AHNAK: variants seen among roughly 807,000 people sequenced by gnomAD.
The protein encoded by AHNAK is neuroblast differentiation-associated protein AHNAK.
A neutral mutation model predicts 37.8 loss-of-function variants in AHNAK; 23 were observed. That is an observed-to-expected ratio of 0.61 (90% CI 0.44 to 0.86). The LOEUF is 0.86. Ranked by LOEUF, AHNAK falls within the 40% of genes least tolerant of loss-of-function variation. The pLI is 0.00. For missense variants in AHNAK, 7,411 were observed against 7,319.4 expected (o/e 1.01, Z -0.46); for synonymous variants, 2,481 against 2,636.3 (o/e 0.94, Z 1.80).
intron 5 of AHNAK, among the ~76,000 whole-genome samples, chr11:62,440,536 T>C (rs1168656651): frequency 6.6e-6 from 1 of 152,168 alleles, no homozygotes; most frequent in African/African-American, 2.4e-5. Flanking sequence ...GGAGCCCGTT[T>C]CTGAGCCTCT....
intron 5 of AHNAK, among the ~76,000 whole-genome samples, chr11:62,438,124 T>C (rs900480964): frequency 2.6e-5 from 4 of 152,066 alleles, no homozygotes; most frequent in Admixed American, 2.0e-4. Flanking sequence ...TCACAGTGTA[T>C]TTGGCCATCT....
chr11:62,516,444 T>C lies in AHNAK; in HGVS notation c.*300A>G, dbSNP rs974676863. ...AATGAGGATAATAAACACAAAAGCT[T>C]GCTTAGTAAACAGGAGCTCTCAGCA... is the stretch of plus-strand genomic sequence containing the variant. On this transcript the variant is annotated 3_prime_UTR_variant, in exon 5 of 5. Coordinates refer to ENST00000378024, the MANE Select transcript of AHNAK (RefSeq NM_001620.3). 5.5e-6 allele frequency: 7 copies of C among 1,275,042 alleles called. No individual in the cohort carries two copies. Among genetic ancestry groups the C allele is most frequent in the Non-Finnish European group, 6.0e-6 (6 of 999,576 alleles). 79.0% of individuals were successfully genotyped at this position (1,275,042 alleles called of 1,614,324 possible). A position where few individuals can be genotyped will look rare whatever the true frequency, so the allele number is the denominator to read the frequency against.
chr11:62,530,423 G>C lies in AHNAK; in HGVS notation c.3994C>G (p.Leu1332Val). Reference protein sequence around the residue: ...KISMPDVDLNLKGPKLKGDVD... With the variant: ...KISMPDVDLNVKGPKLKGDVD... ...TCTCCCTTCAATTTTGGCCCCTTAA[G>C]ATTCAGGTCCACATCAGGCATGGAG... Residue 1332 changes from leucine to valine, a missense_variant, in exon 5 of 5, where the codon CTT becomes GTT. Coordinates refer to ENST00000378024, the MANE Select transcript of AHNAK (RefSeq NM_001620.3). 1 of 1,613,928 alleles carries C rather than the reference G, an allele frequency of 6.2e-7. No individual in the cohort carries two copies. Among genetic ancestry groups the C allele is most frequent in the Non-Finnish European group, 8.5e-7 (1 of 1,179,992 alleles).
At position 62,520,463 on chromosome 11, in the gene AHNAK, T is replaced by A. The variant is rs752565979; in HGVS notation, c.13954A>T (p.Met4652Leu). 5 of 1,614,002 alleles carry A rather than the reference T, an allele frequency of 3.1e-6. No individual in the cohort carries two copies. In the African/African-American group the frequency reaches 6.7e-5, roughly 22 times the overall value. Residue 4652 changes from methionine to leucine, a missense_variant, in exon 5 of 5, where the codon ATG becomes TTG. By Grantham distance (15) the Met-to-Leu change is conservative. Coordinates refer to ENST00000378024, the MANE Select transcript of AHNAK (RefSeq NM_001620.3). ...DVQGPDWHLK[M>L]PKVKMPKFSM... is the part of the protein sequence containing the mutation. ...AACTTGGGCATTTTCACTTTGGGCA[T>A]TTTTAGGTGCCAGTCTGGGCCTTGA...
intron 4 of AHNAK, among the ~76,000 whole-genome samples, chr11:62,505,128 G>A (rs1014482444): frequency 5.9e-5 from 9 of 152,130 alleles, no homozygotes; most frequent in African/African-American, 2.2e-4. Context: ...GGTAAGGGGT[G>A]AGGTCCCGTG....
chr11:62,532,651 A>G lies in AHNAK; in HGVS notation c.1766T>C (p.Val589Ala). Reference protein sequence around the residue: ...AAPKVKGGVDVTLPRVEGKVK... With the variant: ...AAPKVKGGVDATLPRVEGKVK... ...TTTCCCTTCTACTCTGGGGAGTGTG[A>G]CATCTACACCCCCTTTCACTTTAGG... The change falls in exon 5 of 5, where the codon GTC becomes GCC. Residue 589 changes from valine to alanine, a missense_variant. Transcript: ENST00000378024. 6.2e-7 allele frequency: 1 copy of G among 1,613,990 alleles called. No homozygotes were observed.
rs769312019 is a variant in AHNAK, at chr11:62,529,996, G to A, written c.4421C>T (p.Pro1474Leu). 3.7e-6 allele frequency: 6 copies of A among 1,613,738 alleles called. No homozygotes were observed. The Admixed American group carries it at 5.0e-5, about 13-fold the overall frequency. Residue 1474 changes from proline (P) to leucine (L), a missense_variant, in exon 5 of 5, where the codon CCA (proline) becomes CTA (leucine). Pro to Leu is a moderately conservative substitution (Grantham distance 98). Coordinates refer to ENST00000378024, the MANE Select transcript of AHNAK (RefSeq NM_001620.3). ...KMKGDYDVTV[P>L]KVEGEIKAPD... ...AGCTTTTATCTCTCCTTCTACTTTTGGAACTGTTACATCATAATCTCCTTT... is the reference window on the plus strand; with the variant it reads ...AGCTTTTATCTCTCCTTCTACTTTTAGAACTGTTACATCATAATCTCCTTT...
Position 62,534,056 on chromosome 11 carries a change from A to C in AHNAK, c.361T>G (p.Tyr121Asp). 6.5e-7 allele frequency: 1 copy of C among 1,546,206 alleles called. No homozygotes were observed. The highest frequency in any genetic ancestry group is 2.3e-5 in the East Asian group (1 of 44,142). Residue 121 changes from tyrosine (Y) to aspartate (D), a missense_variant, in exon 5 of 5, where the codon TAC becomes GAC. Coordinates refer to ENST00000378024, the MANE Select transcript of AHNAK (RefSeq NM_001620.3). ...ATCTTCGTGGTGTAGATGCGCTGGT[A>C]CTCCTCATCATCCCCGCTCTGCAGA... ...EVVLSGDDEE[Y>D]QRIYTTKIKP...
chr11:62,517,878 G>C lies in AHNAK; in HGVS notation c.16539C>G (p.Leu5513=). Residue 5513 remains leucine, a synonymous_variant, in exon 5 of 5, where the codon CTC becomes CTG. Transcript: ENST00000378024. ...CAGGCCCAGAAATCTGCCCAGTTGG[G>C]AGTTTCACATTCACGCCTGGCAGGT... ...DVNLPGVNVK[L]PTGQISGPEI... The C allele has an allele frequency of 6.2e-7, 1 of 1,614,120 alleles. No homozygotes were observed. The highest frequency in any genetic ancestry group is 8.5e-7 in the Non-Finnish European group (1 of 1,179,996).
In AHNAK at chr11:62,531,096, C is replaced by T; in HGVS notation, c.3321G>A (p.Lys1107=). 4 of 1,613,784 alleles carry T rather than the reference C, an allele frequency of 2.5e-6. No homozygotes were observed. Among genetic ancestry groups the T allele is most frequent in the African/African-American group, 1.3e-5 (1 of 74,878 alleles). ...QVPDVDIRGP[K]VDIKAPDVEG... is the part of the protein sequence containing the mutation. ...CCACATCTGGTGCTTTAATATCTAC[C>T]TTGGGACCTCTGATGTCCACATCTG... The change falls in exon 5 of 5, where the codon AAG becomes AAA. Residue 1107 remains lysine (K), a synonymous_variant. Transcript: ENST00000378024.
Position 62,516,163 on chromosome 11 carries a change from C to G in AHNAK, c.*581G>C. 7.8e-7 allele frequency: 1 copy of G among 1,289,108 alleles called. No individual in the cohort carries two copies. Among genetic ancestry groups the G allele is most frequent in the South Asian group, 1.2e-5 (1 of 81,010 alleles). The allele number at this position is 1,289,108 out of a possible 1,614,324, so 79.9% of individuals were successfully genotyped here. A position where few individuals can be genotyped will look rare whatever the true frequency, so the allele number is the denominator to read the frequency against. On this transcript the variant is annotated 3_prime_UTR_variant, in exon 5 of 5. Coordinates refer to ENST00000378024, the MANE Select transcript of AHNAK (RefSeq NM_001620.3). ...ATTTCCTCTCACCGTCAGCACCAAA[C>G]TGGCTGGGACCACCACCCCTGGGTG...
At chr11:62,534,400 G>A (rs188049744) in intron 4 of AHNAK, among the ~76,000 whole-genome samples, 107 of 152,320 alleles carry the variant, frequency 7.0e-4, no homozygotes, top group African/African-American at 2.5e-3. Context: ...CCTCCCAAGA[G>A]ACCAGGCCCT....
At position 62,527,948 on chromosome 11, in the gene AHNAK, C is replaced by T. The variant is rs1325422048; in HGVS notation, c.6469G>A (p.Asp2157Asn). 1 of 1,613,064 alleles carries T rather than the reference C, an allele frequency of 6.2e-7. No individual in the cohort carries two copies. The highest frequency in any genetic ancestry group is 8.5e-7 in the Non-Finnish European group (1 of 1,179,762). The change falls in exon 5 of 5, where the codon GAT becomes AAT. Residue 2157 changes from aspartate (D) to asparagine (N), a missense_variant. Transcript: ENST00000378024. ...TGPSVDVEVP[D>N]VELECPDAKL... The stretch of plus-strand genomic sequence containing the variant: ...GCATCAGGACACTCCAGCTCAACAT[C>T]AGGCACCTCCACATCCACACTGGGG...
chr11:62,446,447 A>G (rs2134791755), intron 5 of AHNAK, among the ~76,000 whole-genome samples: 1 of 152,284 alleles, frequency 6.6e-6, no homozygotes, highest in African/African-American at 2.4e-5. Flanking sequence ...CCGTTCGTCC[A>G]AACAAGAAAA....
chr11:62,503,276 C>T (rs1939746050), intron 4 of AHNAK, among the ~76,000 whole-genome samples: 1 of 152,170 alleles, frequency 6.6e-6, no homozygotes, highest in Non-Finnish European at 1.5e-5. Flanking sequence ...CTGACCACTT[C>T]CCCTTCGGAA....
chr11:62,470,443 CAA>C (rs1190566321), intron 5 of AHNAK, among the ~76,000 whole-genome samples: 2 of 133,544 alleles, frequency 1.5e-5, no homozygotes, highest in Non-Finnish European at 3.2e-5. Context: ...GACTCTGTCT[CAA>C]AAAAAAAAAA....
chr11:62,531,317 C>T lies in AHNAK; in HGVS notation c.3100G>A (p.Val1034Ile). 1 of 1,613,882 alleles carries T rather than the reference C, an allele frequency of 6.2e-7. No homozygotes were observed. The highest frequency in any genetic ancestry group is 1.7e-4 in the Middle Eastern group (1 of 6,060). Residue 1034 changes from valine to isoleucine, a missense_variant, in exon 5 of 5, where the codon GTA becomes ATA. Transcript: ENST00000378024. ...KANVDISAPK[V>I]DTNAPDLSLE... Reference sequence around the variant, plus strand: ...CTCAGATCTGGAGCATTAGTATCTACTTTTGGTGCAGAAATGTCCACATTC... The same window carrying T: ...CTCAGATCTGGAGCATTAGTATCTATTTTTGGTGCAGAAATGTCCACATTC...
rs1413372454 is a variant in AHNAK, at chr11:62,524,805, G to T, written c.9612C>A (p.Gly3204=). 6.2e-7 allele frequency: 1 copy of T among 1,613,826 alleles called. No individual in the cohort carries two copies. Among genetic ancestry groups the T allele is most frequent in the African/African-American group, 1.3e-5 (1 of 74,846 alleles). The change falls in exon 5 of 5, where the codon GGC becomes GGA. Residue 3204 remains glycine (G), a synonymous_variant. Coordinates refer to ENST00000378024, the MANE Select transcript of AHNAK (RefSeq NM_001620.3). Reference sequence around the variant, plus strand: ...TCATCTCTGGCATCTTGAATTTAGGGCCCTTCAGTTTCGCATCTGGACCTT... The same window carrying T: ...TCATCTCTGGCATCTTGAATTTAGGTCCCTTCAGTTTCGCATCTGGACCTT... ...NIEGPDAKLK[G]PKFKMPEMNI... is the part of the protein sequence containing the mutation.
chr11:62,450,616 C>T (rs1327992686), intron 5 of AHNAK, among the ~76,000 whole-genome samples: 1 of 152,212 alleles, frequency 6.6e-6, no homozygotes, highest in Non-Finnish European at 1.5e-5. Flanking sequence ...GTGCCGTGTC[C>T]CTCACCATTT....
Sources: allele counts gnomAD v4.1 joint callset (sites outside exome capture counted in the v4.1 genomes callset), GRCh38; gene constraint gnomAD v4.1.1; transcripts MANE v1.5; gene names NCBI Gene and HGNC (gene_info 2026-07-23, HGNC 2026-07-21).